The following PPARA variants were observed in gnomAD, a reference collection of about 807,000 sequenced individuals.
PPARA encodes peroxisome proliferator-activated receptor alpha.
PPARA carries 22 observed loss-of-function variants against 42.2 expected under a neutral mutation model. That is an observed-to-expected ratio of 0.52 (90% confidence interval 0.37 to 0.74). PPARA has a LOEUF of 0.74. Among genes scored for constraint, PPARA ranks in the 30% least tolerant of loss-of-function variants. The pLI is 0.00. For synonymous variants in PPARA, 242 were observed against 239.3 expected (o/e 1.01, Z -0.10); for missense variants, 465 against 608.2 (o/e 0.76, Z 2.48).
chr22:46,158,182 G>T (rs1245869657), intron 2 of PPARA, among the ~76,000 whole-genome samples: 3 of 152,160 alleles, frequency 2.0e-5, no homozygotes, highest in African/African-American at 7.2e-5. Context: ...GCCGAGGTGG[G>T]CAGATCACAA....
rs750998923 is a variant in PPARA, at chr22:46,234,933, T to C, written c.1160-200T>C. 2.0e-4 allele frequency among the ~76,000 whole-genome samples: 30 copies of C among 152,222 alleles called. No individual in the cohort carries two copies. The highest frequency in any genetic ancestry group is 4.1e-4 in the Non-Finnish European group (28 of 68,030). On this transcript the variant is annotated intron_variant, in intron 8 of 8. Coordinates refer to ENST00000407236, the MANE Select transcript of PPARA (RefSeq NM_005036.6). This position sits in a 1 kb window ranked among gnomAD's most constrained non-coding sequence, Gnocchi z 5.8. ...AGTATGAATATTTAGGAAAGAGTAC[T>C]GGTCCTGTCTGTCCCTACTTCACCT...
rs1934833174 is a variant in PPARA at position 46,219,657 on chromosome 22, C to T, written c.509-155C>T. Among the ~76,000 whole-genome samples, 1 of 152,124 alleles carries T rather than the reference C, an allele frequency of 6.6e-6. No individual in the cohort carries two copies. Among genetic ancestry groups the T allele is most frequent in the South Asian group, 2.1e-4 (1 of 4,826 alleles). On this transcript the variant is annotated intron_variant, in intron 6 of 8. Coordinates refer to ENST00000407236, the MANE Select transcript of PPARA (RefSeq NM_005036.6). The surrounding 1 kb of genome is among the most constrained non-coding windows in gnomAD (Gnocchi z 4.8). ...TATGGAGTTTGAGTTTTTCATCTCT[C>T]CATAGTGGAAAGCCGAATAGTAATG...
rs1441465363 is a variant in PPARA, at chr22:46,204,109, C to G, written c.208+5518C>G. ...AGAATTTTATATAAATGGAATCATA[C>G]AGCACGTACTCTTTCTAGGCTGGCT... On this transcript the variant is annotated intron_variant, in intron 4 of 8. Transcript: ENST00000407236. This position sits in a 1 kb window ranked among gnomAD's most constrained non-coding sequence, Gnocchi z 5.2. Among the ~76,000 whole-genome samples the G allele has an allele frequency of 6.6e-6, 1 of 152,186 alleles. No homozygotes were observed. Among genetic ancestry groups the G allele is most frequent in the Non-Finnish European group, 1.5e-5 (1 of 68,036 alleles).
At position 46,191,922 on chromosome 22, in the gene PPARA, G is replaced by A. The variant is rs373271709; in HGVS notation, c.-42-6420G>A. On this transcript the variant is annotated intron_variant, in intron 3 of 8. Transcript: ENST00000407236. The surrounding 1 kb of genome is among the most constrained non-coding windows in gnomAD (Gnocchi z 4.6). ...CTCTACTAAAAATACAAAAGTAGCC[G>A]GGCGTGGTGGCGCACGCCCGTAGTC... is the stretch of plus-strand genomic sequence containing the variant. Among the ~76,000 whole-genome samples the A allele has an allele frequency of 4.6e-5, 7 of 152,222 alleles. No homozygotes were observed. Among genetic ancestry groups the A allele is most frequent in the African/African-American group, 7.2e-5 (3 of 41,546 alleles).
chr22:46,213,751 G>C (rs1172827983), intron 4 of PPARA, among the ~76,000 whole-genome samples: 3 of 152,078 alleles, frequency 2.0e-5, no homozygotes, highest in African/African-American at 7.2e-5. Flanking sequence ...ACCACGCCCG[G>C]CTAATTTTTT....
chr22:46,169,963 C>T (rs1983932825), intron 2 of PPARA, among the ~76,000 whole-genome samples: 1 of 151,964 alleles, frequency 6.6e-6, no homozygotes, highest in Admixed American at 6.6e-5. Context: ...GTTCAAATGG[C>T]CTGAAAACTG....
chr22:46,198,345 C>G lies in PPARA; in HGVS notation c.-39C>G, dbSNP rs1932566261. On this transcript the variant is annotated 5_prime_UTR_variant, in exon 4 of 9. Transcript: ENST00000407236. The stretch of plus-strand genomic sequence containing the variant: ...AATTGTTCCTCTTTCCTCCCAGTAG[C>G]TTGGAGCTCGGCGGCACAACCAGCA... 2 of 1,586,854 alleles carry G rather than the reference C, an allele frequency of 1.3e-6. No homozygotes were observed. Among genetic ancestry groups the G allele is most frequent in the Non-Finnish European group, 1.7e-6 (2 of 1,155,930 alleles).
chr22:46,189,287 A>T (rs1395675633), intron 3 of PPARA, among the ~76,000 whole-genome samples: 1 of 152,208 alleles, frequency 6.6e-6, no homozygotes, highest in Non-Finnish European at 1.5e-5. Flanking sequence ...TTTTAAATGG[A>T]AGTCATATAG....
chr22:46,223,573 G>C (rs1209131375), intron 7 of PPARA, among the ~76,000 whole-genome samples: 3 of 149,872 alleles, frequency 2.0e-5, no homozygotes, highest in Non-Finnish European at 3.0e-5. Flanking sequence ...AACCTGGAAG[G>C]CAGAGGTTGC....
In PPARA at chr22:46,171,170, GA is replaced by G. The variant is rs56258203; in HGVS notation, c.-126-5572del. On this transcript the variant is annotated intron_variant, in intron 2 of 8. Transcript: ENST00000407236. This position sits in a 1 kb window ranked among gnomAD's most constrained non-coding sequence, Gnocchi z 5.0. ...AGCAAGACTCTGTCTCATAAAAAAA[GA>G]AAAAAAAAAAGTACAGAGTCCAGGA... 8.9e-4 allele frequency: 128 copies of G among 144,168 alleles called. No individual in the cohort carries two copies. The highest frequency in any genetic ancestry group is 2.3e-3 in the African/African-American group (90 of 39,484). The allele number at this position is 144,168 out of a possible 1,614,324, so 8.9% of individuals were successfully genotyped here.
rs150359508 is a variant in PPARA, at chr22:46,174,190, A to AAGAGAG, written c.-126-2540_-126-2535dup. On this transcript the variant is annotated intron_variant, in intron 2 of 8. Coordinates refer to ENST00000407236, the MANE Select transcript of PPARA (RefSeq NM_005036.6). ...AGACTCTGTCTTGAAAGAAGGAAGA[A>AAGAGAG]AGAGAGAGAGAGAGAGAGAGAGAGA... Among the ~76,000 whole-genome samples the AAGAGAG allele has an allele frequency of 3.9e-5, 5 of 126,898 alleles. No homozygotes were observed. The East Asian group carries it at 6.7e-4, about 17-fold the overall frequency. 83.3% of individuals were successfully genotyped at this position (126,898 alleles called of 152,430 possible). A position where few individuals can be genotyped will look rare whatever the true frequency, so the allele number is the denominator to read the frequency against.
Position 46,188,180 on chromosome 22 carries a change from C to A in PPARA, c.-42-10162C>A, listed in dbSNP as rs1931067364. 6.6e-6 allele frequency among the ~76,000 whole-genome samples: 1 copy of A among 152,212 alleles called. No homozygotes were observed. Among genetic ancestry groups the A allele is most frequent in the African/African-American group, 2.4e-5 (1 of 41,456 alleles). On this transcript the variant is annotated intron_variant, in intron 3 of 8. Transcript: ENST00000407236. The surrounding 1 kb of genome is among the most constrained non-coding windows in gnomAD (Gnocchi z 5.0). The stretch of plus-strand genomic sequence containing the variant: ...GGCTGAGCTCAGCCCAATTTGCTGA[C>A]CCATAGAATTGTGAACAAATAAAAT...
Position 46,171,719 on chromosome 22 carries a change from G to A in PPARA, c.-126-5034G>A, listed in dbSNP as rs1163024695. 6.6e-6 allele frequency among the ~76,000 whole-genome samples: 1 copy of A among 152,172 alleles called. No individual in the cohort carries two copies. Among genetic ancestry groups the A allele is most frequent in the Non-Finnish European group, 1.5e-5 (1 of 68,018 alleles). On this transcript the variant is annotated intron_variant, in intron 2 of 8. Coordinates refer to ENST00000407236, the MANE Select transcript of PPARA (RefSeq NM_005036.6). This position sits in a 1 kb window ranked among gnomAD's most constrained non-coding sequence, Gnocchi z 5.0. ...ACTCGAGCAGTGTCCTGGAGAGGAG[G>A]AGGAGGAGAAAGAGGTCAGGAGGTC...
Position 46,219,977 on chromosome 22 carries a change from C to T in PPARA, c.674C>T (p.Ala225Val). The change falls in exon 7 of 9, where the codon GCC becomes GTC. Residue 225 changes from alanine to valine, a missense_variant. Transcript: ENST00000407236. This position sits in a 1 kb window ranked among gnomAD's most constrained non-coding sequence, Gnocchi z 4.8. ...AACTTCAACATGAACAAGGTCAAAG[C>T]CCGGGTCATCCTCTCAGGAAAGGCC... ...LKNFNMNKVK[A>V]RVILSGKASN... The T allele has an allele frequency of 6.2e-7, 1 of 1,614,176 alleles. No individual in the cohort carries two copies. The highest frequency in any genetic ancestry group is 8.5e-7 in the Non-Finnish European group (1 of 1,180,042).
intron 4 of PPARA, among the ~76,000 whole-genome samples, chr22:46,205,321 ATCC>A (rs1282064860): frequency 6.7e-6 from 1 of 150,176 alleles, no homozygotes; most frequent in African/African-American, 2.5e-5. Flanking sequence ...GGCCCAGGTA[ATCC>A]TCCTACTTCA....
chr22:46,157,453 G>C (rs985811094), intron 2 of PPARA, among the ~76,000 whole-genome samples: 1 of 152,176 alleles, frequency 6.6e-6, no homozygotes, highest in Non-Finnish European at 1.5e-5. Context: ...TCTTCCTTCT[G>C]TAGGGAGCAG....
intron 7 of PPARA, among the ~76,000 whole-genome samples, chr22:46,229,968 G>A (rs533932008): frequency 7.7e-4 from 118 of 152,358 alleles, no homozygotes; most frequent in Middle Eastern, 3.4e-3. Flanking sequence ...ACTTCAGGCT[G>A]TGTGTCAGAA....
At chr22:46,177,686 G>A (rs1422149102) in intron 3 of PPARA, among the ~76,000 whole-genome samples, 2 of 152,006 alleles carry the variant, frequency 1.3e-5, no homozygotes, top group Non-Finnish European at 2.9e-5. Flanking sequence ...CAGAACCTCA[G>A]GCATGTACCC....
intron 5 of PPARA, among the ~76,000 whole-genome samples, chr22:46,217,060 G>A (rs1934558390): frequency 6.6e-6 from 1 of 152,146 alleles, no homozygotes; most frequent in Non-Finnish European, 1.5e-5. Flanking sequence ...TCAGAGGCCT[G>A]GGCCACAGGG....
Sources: gnomAD v4.1 joint callset for allele counts (sites outside exome capture counted in the v4.1 genomes callset) on GRCh38, gnomAD v4.1.1 for gene constraint, Gnocchi (gnomAD v3.1) non-coding constraint, MANE v1.5 for transcripts, NCBI Gene and HGNC (gene_info 2026-07-23, HGNC 2026-07-21) for gene names.